Variants in USP7 observed in about 807,000 individuals in gnomAD.
USP7 encodes ubiquitin C-terminal hydrolase 7.
USP7 carries 9 observed loss-of-function variants against 162.9 expected under a neutral mutation model. The observed-to-expected ratio is 0.06, with a 90% CI of 0.03 to 0.10. The LOEUF is 0.10. Ranked by LOEUF, USP7 falls within the 10% of genes least tolerant of loss-of-function variation. USP7 has a pLI of 1.00. For missense variants in USP7, 715 were observed against 1,373.7 expected, an observed-to-expected ratio of 0.52 and a Z score of 7.58; for synonymous variants, 562 against 475.9, an observed-to-expected ratio of 1.18 and a Z score of -2.35.
chr16:8,941,791 C>G (rs565312158), intron 1 of USP7, among the ~76,000 whole-genome samples: 1 of 152,194 alleles, frequency 6.6e-6, no homozygotes, highest in Non-Finnish European at 1.5e-5. Context: ...CGGCCAGCCA[C>G]TGACCCTTCC....
chr16:8,900,894 C>G (rs942150907), intron 20 of USP7, 96 bp downstream of exon 20: 1 of 1,276,906 alleles, frequency 7.8e-7, no homozygotes, highest in African/African-American at 1.5e-5. Flanking sequence ...AGCTGGTAGA[C>G]CTAACACTGT....
intron 1 of USP7, among the ~76,000 whole-genome samples, chr16:8,946,177 G>GT (rs1359007521): frequency 6.6e-6 from 1 of 152,194 alleles, no homozygotes; most frequent in Non-Finnish European, 1.5e-5. Flanking sequence ...ACAATGAAAT[G>GT]TAAAACCCCA....
intron 2 of USP7, chr16:8,929,408 C>A: frequency 2.2e-6 from 1 of 448,870 alleles, no homozygotes; most frequent in Non-Finnish European, 4.5e-6. Context: ...CAGGGGTAAA[C>A]CGCACTGTGA....
chr16:8,911,722 G>C (rs1384986657), intron 10 of USP7, among the ~76,000 whole-genome samples: 1 of 152,262 alleles, frequency 6.6e-6, no homozygotes, highest in Non-Finnish European at 1.5e-5. Flanking sequence ...CTGCTGGGCA[G>C]AGTAGCCTAA....
chr16:8,963,135 G>A, intron 1 of USP7, 72 bp downstream of exon 1: 1 of 1,291,444 alleles, frequency 7.7e-7, no homozygotes. Context: ...CCCCTCGCGT[G>A]GCTCCCGCGG....
intron 1 of USP7, among the ~76,000 whole-genome samples, chr16:8,959,478 G>A (rs551677498): frequency 6.6e-6 from 1 of 152,258 alleles, no homozygotes; most frequent in African/African-American, 2.4e-5. Context: ...GGAGCCTGGG[G>A]AATCGCTTTG....
rs570066889 is a variant in USP7, at chr16:8,943,798, A to G, written c.80-13401T>C. Among the ~76,000 whole-genome samples, 76 of 152,330 alleles carry G rather than the reference A, an allele frequency of 5.0e-4. 1 individual carries two copies. In the South Asian group the frequency reaches 0.016, roughly 31 times the overall value. On this transcript the variant is annotated intron_variant, in intron 1 of 30. Transcript: ENST00000344836. ...ATGTTACCACAAAAACCCATTCCCC[A>G]AGAAAATGAGCATTCACGCTGGGGG...
intron 2 of USP7, among the ~76,000 whole-genome samples, chr16:8,927,247 G>A (rs1213567662): frequency 6.6e-6 from 1 of 151,298 alleles, no homozygotes; most frequent in African/African-American, 2.4e-5. Context: ...GCTTGAACCC[G>A]GGAGGCAGAG....
intron 1 of USP7, among the ~76,000 whole-genome samples, chr16:8,942,369 C>A (rs1342305746): frequency 6.6e-6 from 1 of 152,134 alleles, no homozygotes; most frequent in Non-Finnish European, 1.5e-5. Context: ...TGGGGTCTGT[C>A]CCACCCTTAT....
chr16:8,906,020 A>G (rs890597772), intron 13 of USP7, among the ~76,000 whole-genome samples: 5 of 152,146 alleles, frequency 3.3e-5, no homozygotes, highest in Non-Finnish European at 7.4e-5. Flanking sequence ...TACACTCCCA[A>G]GAGTGGTGGT....
chr16:8,919,176 A>G, intron 5 of USP7, 37 bp from the exon 6 acceptor site: 3 of 1,601,106 alleles, frequency 1.9e-6, no homozygotes, highest in South Asian at 1.1e-5. Flanking sequence ...GATCTTGCAG[A>G]TACCCCATTG....
chr16:8,955,783 T>G lies in USP7; in HGVS notation c.79+7424A>C, dbSNP rs1899773616. On this transcript the variant is annotated intron_variant, in intron 1 of 30. Transcript: ENST00000344836. ...TATAATTTATTCCCCAAAGTCTTAT[T>G]GATGAAATGTGCTTGCAACTTGAGG... 2.0e-5 allele frequency among the ~76,000 whole-genome samples: 3 copies of G among 151,854 alleles called. No individual in the cohort carries two copies. The South Asian group carries it at 6.2e-4, about 31-fold the overall frequency.
Position 8,904,516 on chromosome 16 carries a change from C to A in USP7, c.1623G>T (p.Val541=), listed in dbSNP as rs747065348. The part of the protein sequence containing the change: ...VTDHDIPQQL[V]ERLQEEKRIE... ...TCCTTTTCTCTTCTTGTAATCGCTC[C>A]ACCAACTGCTGAGGAATATCATGGT... is the stretch of plus-strand genomic sequence containing the variant. The change falls in exon 15 of 31, where the codon GTG becomes GTT. Residue 541 remains valine (V), a synonymous_variant. Coordinates refer to ENST00000344836, the MANE Select transcript of USP7 (RefSeq NM_003470.3). 1 of 1,614,180 alleles carries A rather than the reference C, an allele frequency of 6.2e-7. No individual in the cohort carries two copies. The highest frequency in any genetic ancestry group is 2.2e-5 in the East Asian group (1 of 44,888).
chr16:8,895,248 A>G (rs2141159043), intron 27 of USP7, 98 bp from the exon 28 acceptor site: 1 of 1,571,222 alleles, frequency 6.4e-7, no homozygotes, highest in South Asian at 1.1e-5. Context: ...CGGAGGGTAA[A>G]GCCTATTTTT....
At chr16:8,902,848 AC>A (rs1383473200) in intron 16 of USP7, among the ~76,000 whole-genome samples, 1 of 152,180 alleles carries the variant, frequency 6.6e-6, no homozygotes, top group African/African-American at 2.4e-5. Context: ...AGATCGCGCC[AC>A]TGGGCAACAA....
intron 3 of USP7, among the ~76,000 whole-genome samples, chr16:8,921,762 G>T (rs781426456): frequency 6.6e-6 from 1 of 152,164 alleles, no homozygotes; most frequent in Non-Finnish European, 1.5e-5. Context: ...ACGAATTCAC[G>T]ATGAGGCACA....
chr16:8,901,335 G>T (rs1470270442), intron 18 of USP7, 101 bp from the exon 19 acceptor site: 22 of 737,218 alleles, frequency 3.0e-5, no homozygotes, highest in Non-Finnish European at 9.0e-6. Flanking sequence ...AAAAAAAACA[G>T]TAAGCTGAAT....
rs552485565 is a variant in USP7, at chr16:8,938,697, C to G, written c.80-8300G>C. ...CTGCACTCCAGCTTGGGTAACACAG[C>G]AAGACTCCGTCTCAAAAAAAAAAAA... On this transcript the variant is annotated intron_variant, in intron 1 of 30. Coordinates refer to ENST00000344836, the MANE Select transcript of USP7 (RefSeq NM_003470.3). 5.3e-5 allele frequency among the ~76,000 whole-genome samples: 7 copies of G among 131,174 alleles called. No homozygotes were observed. The East Asian group carries it at 1.2e-3, about 23-fold the overall frequency. 86.1% of individuals were successfully genotyped at this position (131,174 alleles called of 152,430 possible). A position where few individuals can be genotyped will look rare whatever the true frequency, so the allele number is the denominator to read the frequency against.
intron 6 of USP7, among the ~76,000 whole-genome samples, chr16:8,917,501 C>T (rs565921117): frequency 1.3e-5 from 2 of 152,290 alleles, no homozygotes; most frequent in East Asian, 3.9e-4. Flanking sequence ...GCCTCAGCCT[C>T]CCGAGTAGCT....
Sources: allele counts gnomAD v4.1 joint callset (sites outside exome capture counted in the v4.1 genomes callset), GRCh38; gene constraint gnomAD v4.1.1; transcripts MANE v1.5; gene names NCBI Gene and HGNC (gene_info 2026-07-23, HGNC 2026-07-21).